Variants in PLXNC1 observed in about 807,000 individuals in gnomAD.
PLXNC1 encodes plexin-C1.
Under a neutral mutation model 178.2 loss-of-function variants are expected in PLXNC1, and 75 were observed. The ratio of observed to expected loss-of-function variants is 0.42; its 90% CI spans 0.35 to 0.51. The LOEUF is 0.51. Among genes scored for constraint, PLXNC1 ranks in the 20% least tolerant of loss-of-function variants. PLXNC1 has a pLI of 0.02. For missense variants in PLXNC1, 1,503 were observed against 1,984.4 expected (o/e 0.76, Z 4.61); for synonymous variants, 790 against 779.9 (o/e 1.01, Z -0.22).
At chr12:94,220,997 AGCCAGGGGACCATGAAGG>A (rs1353351796) in intron 6 of PLXNC1, among the ~76,000 whole-genome samples, 1 of 152,246 alleles carries the variant, frequency 6.6e-6, no homozygotes, top group Non-Finnish European at 1.5e-5. Flanking sequence ...CAAAGGAGGC[AGCCAGGGGACCATGAAGG>A]GCCTTGTGAA....
At position 94,251,648 on chromosome 12, in the gene PLXNC1, A is replaced by G. The variant is rs368042924; in HGVS notation, c.2881+120A>G. 101 of 702,036 alleles carry G rather than the reference A, an allele frequency of 1.4e-4. 2 individuals carry two copies. Among genetic ancestry groups the G allele is most frequent in the East Asian group, 5.0e-4 (19 of 37,938 alleles). 43.5% of individuals were successfully genotyped at this position (702,036 alleles called of 1,614,324 possible). On this transcript the variant is annotated intron_variant, in intron 15 of 30. Transcript: ENST00000258526. ...TTAAGTATAAATGGGTGAAAGCCCA[A>G]ATCAAAACTTTGAGAAACGAATAAT...
At chr12:94,285,351 GAACA>G (rs1408892883) in intron 23 of PLXNC1, among the ~76,000 whole-genome samples, 1 of 152,222 alleles carries the variant, frequency 6.6e-6, no homozygotes, top group African/African-American at 2.4e-5. Flanking sequence ...CAGGGACAGA[GAACA>G]CCCATCCTTG....
At chr12:94,188,192 A>G (rs1166128202) in intron 4 of PLXNC1, among the ~76,000 whole-genome samples, 1 of 152,160 alleles carries the variant, frequency 6.6e-6, no homozygotes, top group Non-Finnish European at 1.5e-5. Context: ...CGCTAAATCC[A>G]CAAGAGACAA....
rs1385824628 is a variant in PLXNC1 at position 94,305,357 on chromosome 12, C to G, written c.*72C>G. On this transcript the variant is annotated 3_prime_UTR_variant, in exon 31 of 31. Coordinates refer to ENST00000258526, the MANE Select transcript of PLXNC1 (RefSeq NM_005761.3). ...GGGAGCAAAATGGCTGCTTGAGCTA[C>G]TCTGTGTCGTTAATTTGTTGTTTGC... is the stretch of plus-strand genomic sequence containing the variant. 4.8e-6 allele frequency: 4 copies of G among 826,100 alleles called. No individual in the cohort carries two copies. In the African/African-American group the frequency reaches 6.9e-5, roughly 14 times the overall value. The allele number at this position is 826,100 out of a possible 1,614,324, so 51.2% of individuals were successfully genotyped here.
intron 15 of PLXNC1, among the ~76,000 whole-genome samples, chr12:94,253,173 T>C (rs956941534): frequency 2.5e-5 from 3 of 120,848 alleles, no homozygotes; most frequent in Non-Finnish European, 3.2e-5. Flanking sequence ...ATCGTGCCAC[T>C]GCACTCCCGC....
chr12:94,283,887 C>T (rs1966637339), intron 23 of PLXNC1, among the ~76,000 whole-genome samples: 1 of 152,074 alleles, frequency 6.6e-6, no homozygotes, highest in African/African-American at 2.4e-5. Context: ...AGTCCAACAC[C>T]AGCCTGGCCA....
chr12:94,153,310 C>T (rs962929259), intron 1 of PLXNC1, among the ~76,000 whole-genome samples: 1 of 152,206 alleles, frequency 6.6e-6, no homozygotes, highest in African/African-American at 2.4e-5. Context: ...AAACAACCTC[C>T]CCTAGGATGT....
intron 1 of PLXNC1, chr12:94,168,182 A>G (rs1961694703): frequency 6.6e-6 from 1 of 152,108 alleles, no homozygotes; most frequent in Admixed American, 6.5e-5. Context: ...GCCTTTAAAA[A>G]CCTTAGTACA....
chr12:94,228,040 A>G, intron 9 of PLXNC1, among the ~76,000 whole-genome samples: 1 of 152,230 alleles, frequency 6.6e-6, no homozygotes, highest in African/African-American at 2.4e-5. Context: ...CCATTTCTCT[A>G]ATCTGTGGTT....
chr12:94,191,139 C>G (rs371825576), intron 4 of PLXNC1, among the ~76,000 whole-genome samples: 3 of 152,322 alleles, frequency 2.0e-5, no homozygotes, highest in African/African-American at 7.2e-5. Context: ...TGCCTTAAAT[C>G]TTATAAGACA....
At chr12:94,239,434 A>G (rs562864048) in intron 10 of PLXNC1, among the ~76,000 whole-genome samples, 3 of 152,248 alleles carry the variant, frequency 2.0e-5, no homozygotes, top group South Asian at 4.1e-4. Flanking sequence ...AAACCTGAAA[A>G]TGTGCGTCTG....
chr12:94,169,390 C>T, intron 2 of PLXNC1, 97 bp downstream of exon 2: 2 of 1,034,694 alleles, frequency 1.9e-6, no homozygotes, highest in Admixed American at 2.1e-5. Flanking sequence ...ATACATGAGA[C>T]CAAACCAAGA....
At chr12:94,304,192 C>A (rs1968771177) in intron 30 of PLXNC1, 141 bp downstream of exon 30, 1 of 608,646 alleles carries the variant, frequency 1.6e-6, no homozygotes, top group Non-Finnish European at 2.9e-6. Flanking sequence ...GATGGGGGAT[C>A]CTGGCACTGA....
intron 28 of PLXNC1, 40 bp downstream of exon 28, chr12:94,301,097 G>T: frequency 6.3e-7 from 1 of 1,580,782 alleles, no homozygotes; most frequent in South Asian, 1.1e-5. Context: ...GCAGTCTTAT[G>T]AGTTTGACAT....
intron 17 of PLXNC1, 45 bp downstream of exon 17, chr12:94,255,341 T>C: frequency 1.6e-6 from 2 of 1,246,380 alleles, no homozygotes; most frequent in Non-Finnish European, 2.4e-6. Flanking sequence ...TCTTGAATAA[T>C]AATGAAGGTG....
At chr12:94,221,681 C>T (rs1042924784) in intron 6 of PLXNC1, among the ~76,000 whole-genome samples, 2 of 152,126 alleles carry the variant, frequency 1.3e-5, no homozygotes, top group Non-Finnish European at 2.9e-5. Context: ...TGCTTACAGC[C>T]CTGGTGACTG....
At chr12:94,304,302 C>T (rs1329899052) in intron 30 of PLXNC1, 1 of 357,208 alleles carries the variant, frequency 2.8e-6, no homozygotes, top group Non-Finnish European at 5.1e-6. Flanking sequence ...CCTACAGCCA[C>T]CCTGACTCAA....
intron 23 of PLXNC1, among the ~76,000 whole-genome samples, chr12:94,287,872 C>T (rs1020431986): frequency 6.6e-6 from 1 of 152,208 alleles, no homozygotes; most frequent in African/African-American, 2.4e-5. Flanking sequence ...AGGGCTTTGA[C>T]CAACAGCAGC....
chr12:94,173,769 G>C (rs1473167941), intron 2 of PLXNC1, among the ~76,000 whole-genome samples: 3 of 152,208 alleles, frequency 2.0e-5, no homozygotes, highest in Non-Finnish European at 2.9e-5. Flanking sequence ...TTGATACCAA[G>C]ATGCAGATGT....
Sources: allele counts gnomAD v4.1 joint callset (sites outside exome capture counted in the v4.1 genomes callset), GRCh38; gene constraint gnomAD v4.1.1; transcripts MANE v1.5; gene names NCBI Gene and HGNC (gene_info 2026-07-23, HGNC 2026-07-21).